The following KLHL22 variants were observed in gnomAD, a reference collection of about 807,000 sequenced individuals.
The protein encoded by KLHL22 is kelch-like protein 22.
KLHL22 carries 18 observed loss-of-function variants against 60.7 expected under a neutral mutation model. The observed-to-expected ratio is 0.30, with a 90% confidence interval of 0.20 to 0.44. KLHL22 has a LOEUF of 0.44. Ranked by LOEUF, KLHL22 falls within the 20% of genes least tolerant of loss-of-function variation. The pLI, the probability that KLHL22 is intolerant of heterozygous loss-of-function variation, is 1.00. For synonymous variants in KLHL22, 355 were observed against 354.5 expected (o/e 1.00, Z -0.01); for missense variants, 596 against 852.3 (o/e 0.70, Z 3.74).
chr22:20,493,165 G>A, intron 1 of KLHL22: 1 of 471,228 alleles, frequency 2.1e-6, no homozygotes, highest in Middle Eastern at 3.2e-4. Flanking sequence ...GAGCATAGTA[G>A]TGCCTCTGCT....
intron 5 of KLHL22, among the ~76,000 whole-genome samples, chr22:20,455,704 G>T (rs541589929): frequency 6.6e-6 from 1 of 152,148 alleles, no homozygotes; most frequent in Non-Finnish European, 1.5e-5. Context: ...TGCTTGCTTC[G>T]AAAGTAACCT....
intron 5 of KLHL22, among the ~76,000 whole-genome samples, chr22:20,457,259 T>C: frequency 6.6e-6 from 1 of 152,058 alleles, no homozygotes; most frequent in East Asian, 1.9e-4. Context: ...AGGTATTATA[T>C]AGGATGCACG....
chr22:20,449,862 C>T (rs1358861753), intron 5 of KLHL22, among the ~76,000 whole-genome samples: 1 of 152,188 alleles, frequency 6.6e-6, no homozygotes, highest in Non-Finnish European at 1.5e-5. Flanking sequence ...CTAAGAATTC[C>T]TTGCCTAGCC....
At position 20,486,166 on chromosome 22, in the gene KLHL22, C is replaced by CAAA. The variant is rs200248872; in HGVS notation, c.227+2816_227+2818dup. Reference sequence around the variant, plus strand: ...TGGGTGACAGAGTGAGATTCCGTCTCAAAAAAAAAAAAAAAAAAAGAAATT... The same window carrying CAAA: ...TGGGTGACAGAGTGAGATTCCGTCTCAAAAAAAAAAAAAAAAAAAAAAGAAATT... On this transcript the variant is annotated intron_variant, in intron 2 of 6. Transcript: ENST00000328879. Among the ~76,000 whole-genome samples the CAAA allele has an allele frequency of 1.1e-3, 93 of 82,482 alleles. 2 individuals carry two copies. The highest frequency in any genetic ancestry group is 3.1e-3 in the Admixed American group (21 of 6,718). The allele number at this position is 82,482 out of a possible 152,430, so 54.1% of individuals were successfully genotyped here.
At chr22:20,457,591 G>A (rs2053083486) in intron 5 of KLHL22, among the ~76,000 whole-genome samples, 1 of 152,196 alleles carries the variant, frequency 6.6e-6, no homozygotes, top group Admixed American at 6.5e-5. Flanking sequence ...GAGCAATGGG[G>A]TCTGGATCCT....
In KLHL22 at chr22:20,468,292, C is replaced by A. The variant is rs561748675; in HGVS notation, c.394-2716G>T. ...ACAAACAGCCCTGAAGAAGCCTGGG[C>A]AGCAGCAGCTCCTTGAGAGGACCCT... On this transcript the variant is annotated intron_variant, in intron 3 of 6. Transcript: ENST00000328879. Among the ~76,000 whole-genome samples, 19 of 152,340 alleles carry A rather than the reference C, an allele frequency of 1.2e-4. No homozygotes were observed. The South Asian group carries it at 3.9e-3, about 32-fold the overall frequency.
At chr22:20,457,653 C>T (rs2053084197) in intron 5 of KLHL22, 155 bp downstream of exon 5, 4 of 628,592 alleles carry the variant, frequency 6.4e-6, no homozygotes, top group Admixed American at 5.8e-5. Flanking sequence ...CTCATCAATG[C>T]ATTCAATGCA....
intron 1 of KLHL22, among the ~76,000 whole-genome samples, chr22:20,490,514 G>GT (rs981263419): frequency 6.6e-6 from 1 of 152,224 alleles, no homozygotes; most frequent in South Asian, 2.1e-4. Flanking sequence ...ATGTGTGAGG[G>GT]TTTTTCCCCA....
At chr22:20,472,408 C>T (rs573186005) in intron 2 of KLHL22, among the ~76,000 whole-genome samples, 2 of 152,056 alleles carry the variant, frequency 1.3e-5, no homozygotes, top group East Asian at 3.9e-4. Context: ...CTAGGCAACA[C>T]GGTGAAATCC....
intron 1 of KLHL22, among the ~76,000 whole-genome samples, chr22:20,494,166 T>G (rs1391959320): frequency 6.8e-6 from 1 of 146,716 alleles, no homozygotes; most frequent in Non-Finnish European, 1.5e-5. Context: ...GTAGGTGGAG[T>G]TCAAGACCAC....
At chr22:20,445,215 T>G (rs923961506) in intron 6 of KLHL22, among the ~76,000 whole-genome samples, 1 of 151,174 alleles carries the variant, frequency 6.6e-6, no homozygotes, top group African/African-American at 2.4e-5. Context: ...TCTATTTTTT[T>G]TTTTTTTTTG....
At chr22:20,450,251 T>A (rs759649323) in intron 5 of KLHL22, 4 of 900,842 alleles carry the variant, frequency 4.4e-6, no homozygotes, top group Non-Finnish European at 5.7e-6. Flanking sequence ...AGAAAGACTT[T>A]CCTGCCCATG....
At position 20,457,962 on chromosome 22, in the gene KLHL22, G is replaced by A; in HGVS notation, c.1151C>T (p.Ser384Phe). The change falls in exon 5 of 7, where the codon TCC (serine) becomes TTC (phenylalanine). Residue 384 changes from serine to phenylalanine, a missense_variant. By Grantham distance (155) the Ser-to-Phe change is radical. Transcript: ENST00000328879. ...PRHNRWFQIQ[S>F]LQQEHADLSV... ...CAGGTCGGCGTGCTCCTGCTGCAGG[G>A]ACTGGATCTGGAACCAGCGGTTGTG... 6.2e-7 allele frequency: 1 copy of A among 1,614,184 alleles called. No individual in the cohort carries two copies. The highest frequency in any genetic ancestry group is 8.5e-7 in the Non-Finnish European group (1 of 1,180,040).
chr22:20,492,608 T>TA (rs1264472036), intron 1 of KLHL22, among the ~76,000 whole-genome samples: 4 of 150,994 alleles, frequency 2.6e-5, no homozygotes, highest in Non-Finnish European at 5.9e-5. Flanking sequence ...TTTTTTTTTT[T>TA]AGACGGAGTC....
chr22:20,484,306 G>T (rs5749818), intron 2 of KLHL22, among the ~76,000 whole-genome samples: 10,711 of 151,496 alleles, frequency 0.071, 850 homozygotes, highest in East Asian at 0.46. Flanking sequence ...TTTGTTTTTT[G>T]CTTTTTGAGG....
chr22:20,465,422 G>C lies in KLHL22; in HGVS notation c.548C>G (p.Ser183Cys), dbSNP rs764298072. Reference protein sequence around the residue: ...TYILKNFVAFSRTDKYRQLPL... With the variant: ...TYILKNFVAFCRTDKYRQLPL... The stretch of plus-strand genomic sequence containing the variant: ...AAGCTGGCGGTACTTGTCAGTCCGA[G>C]AGAAGGCCACAAAGTTTTTGAGGAT... The change falls in exon 4 of 7, where the codon TCT becomes TGT. Residue 183 changes from serine (S) to cysteine (C), a missense_variant. Transcript: ENST00000328879. The surrounding 1 kb of genome is among the most constrained non-coding windows in gnomAD (Gnocchi z 4.9). 1.2e-6 allele frequency: 2 copies of C among 1,614,206 alleles called. No individual in the cohort carries two copies. Among genetic ancestry groups the C allele is most frequent in the Non-Finnish European group, 1.7e-6 (2 of 1,180,034 alleles).
At chr22:20,468,580 G>T (rs2053268421) in intron 3 of KLHL22, among the ~76,000 whole-genome samples, 1 of 152,162 alleles carries the variant, frequency 6.6e-6, no homozygotes, top group Non-Finnish European at 1.5e-5. Context: ...CTAGCTATGT[G>T]AACATACATG....
intron 4 of KLHL22, among the ~76,000 whole-genome samples, chr22:20,461,832 C>T (rs1401975277): frequency 1.3e-5 from 2 of 152,006 alleles, no homozygotes; most frequent in African/African-American, 2.4e-5. Context: ...GGCGTGGTGG[C>T]TCACACCTGT....
At chr22:20,446,332 TA>T in intron 6 of KLHL22, 110 bp downstream of exon 6, 1 of 743,574 alleles carries the variant, frequency 1.3e-6, no homozygotes. Context: ...AAAACTGCTC[TA>T]AAAAATAGTC....
Sources: gnomAD v4.1 joint callset for allele counts (sites outside exome capture counted in the v4.1 genomes callset) on GRCh38, gnomAD v4.1.1 for gene constraint, Gnocchi (gnomAD v3.1) non-coding constraint, MANE v1.5 for transcripts, NCBI Gene and HGNC (gene_info 2026-07-23, HGNC 2026-07-21) for gene names.